ERBB4: variants seen among roughly 807,000 people sequenced by gnomAD.
ERBB4 encodes the protein receptor tyrosine-protein kinase erbB-4.
In ERBB4, 42 loss-of-function variants were observed where a neutral mutation model predicts 158.0. That is an observed-to-expected ratio of 0.27 (90% CI 0.21 to 0.34). ERBB4 has a LOEUF of 0.34. Among genes scored for constraint, ERBB4 ranks in the 10% least tolerant of loss-of-function variants. ERBB4 has a pLI of 1.00. For missense variants in ERBB4, 1,333 were observed against 1,624.1 expected (o/e 0.82, Z 3.08); for synonymous variants, 583 against 558.7 (o/e 1.04, Z -0.61).
At position 212,181,697 on chromosome 2, in the gene ERBB4, G is replaced by A. The variant is rs542130123; in HGVS notation, c.83-56794C>T. On this transcript the variant is annotated intron_variant, in intron 1 of 27. Transcript: ENST00000342788. ...TTAATAAAAATCAAAACTAATATGT[G>A]CTACAATTATTTAATGATTTAATAA... 5.3e-5 allele frequency among the ~76,000 whole-genome samples: 8 copies of A among 151,710 alleles called. No individual in the cohort carries two copies. In the East Asian group the frequency reaches 1.4e-3, roughly 26 times the overall value.
chr2:212,027,812 A>G (rs1166356843), intron 2 of ERBB4, among the ~76,000 whole-genome samples: 18 of 152,044 alleles, frequency 1.2e-4, no homozygotes, highest in Admixed American at 1.2e-3. Flanking sequence ...TTCACTTTGC[A>G]GCTTAGTCTT....
At chr2:211,538,206 A>G (rs2066707599) in intron 20 of ERBB4, among the ~76,000 whole-genome samples, 1 of 151,870 alleles carries the variant, frequency 6.6e-6, no homozygotes, top group Non-Finnish European at 1.5e-5. Flanking sequence ...TTCTCCTTCT[A>G]CAGGTATCCC....
chr2:212,332,775 G>T (rs1317475823), intron 1 of ERBB4, among the ~76,000 whole-genome samples: 1 of 151,998 alleles, frequency 6.6e-6, no homozygotes, highest in Non-Finnish European at 1.5e-5. Context: ...AAGTTTACAA[G>T]AATTGGGTTA....
intron 19 of ERBB4, among the ~76,000 whole-genome samples, chr2:211,594,685 G>A (rs1288675498): frequency 6.6e-6 from 1 of 152,162 alleles, no homozygotes; most frequent in African/African-American, 2.4e-5. Flanking sequence ...AACTAGAGTA[G>A]TAACCAAGAT....
chr2:212,002,830 G>A (rs1427637588), intron 2 of ERBB4, among the ~76,000 whole-genome samples: 1 of 151,840 alleles, frequency 6.6e-6, no homozygotes, highest in Non-Finnish European at 1.5e-5. Flanking sequence ...AGGCCGAGGC[G>A]GGCGGATCAC....
chr2:211,961,708 G>A (rs907769337), intron 2 of ERBB4, among the ~76,000 whole-genome samples: 1 of 152,104 alleles, frequency 6.6e-6, no homozygotes, highest in Admixed American at 6.6e-5. Flanking sequence ...CCATTTGTTG[G>A]AAGTACAAAA....
chr2:211,687,710 T>C (rs2072623411), intron 12 of ERBB4, among the ~76,000 whole-genome samples: 1 of 152,206 alleles, frequency 6.6e-6, no homozygotes, highest in Non-Finnish European at 1.5e-5. Flanking sequence ...GGATTCTGAG[T>C]TGCCAGTTTC....
At chr2:211,572,179 T>A (rs11889520) in intron 19 of ERBB4, among the ~76,000 whole-genome samples, 1 of 152,004 alleles carries the variant, frequency 6.6e-6, no homozygotes, top group African/African-American at 2.4e-5. Flanking sequence ...AATTAACATA[T>A]TCTGTTTATG....
chr2:211,986,236 CAG>C (rs1360066285), intron 2 of ERBB4, among the ~76,000 whole-genome samples: 1 of 152,148 alleles, frequency 6.6e-6, no homozygotes, highest in African/African-American at 2.4e-5. Flanking sequence ...GTTGGACTTC[CAG>C]TCTTCAGAAC....
intron 20 of ERBB4, among the ~76,000 whole-genome samples, chr2:211,551,914 T>G (rs1204596719): frequency 6.6e-6 from 1 of 152,232 alleles, no homozygotes; most frequent in Non-Finnish European, 1.5e-5. Flanking sequence ...ATGAAGGCTC[T>G]GCTCGTGTAA....
intron 3 of ERBB4, among the ~76,000 whole-genome samples, chr2:211,937,463 A>G (rs2080357642): frequency 6.6e-6 from 1 of 152,172 alleles, no homozygotes; most frequent in Non-Finnish European, 1.5e-5. Flanking sequence ...GAAACCATTA[A>G]AGAAATAGAC....
chr2:211,466,490 T>A (rs927348608), intron 20 of ERBB4, among the ~76,000 whole-genome samples: 7 of 152,208 alleles, frequency 4.6e-5, no homozygotes, highest in African/African-American at 1.7e-4. Flanking sequence ...CAGGACAGGA[T>A]GCCAAGCTAG....
At chr2:212,299,718 A>T (rs1239340513) in intron 1 of ERBB4, among the ~76,000 whole-genome samples, 2 of 151,660 alleles carry the variant, frequency 1.3e-5, no homozygotes, top group African/African-American at 4.8e-5. Context: ...CCCTGGAAAC[A>T]GATTTCAAGC....
intron 5 of ERBB4, among the ~76,000 whole-genome samples, chr2:211,729,535 T>A (rs1200142028): frequency 6.6e-6 from 1 of 151,776 alleles, no homozygotes; most frequent in Admixed American, 6.6e-5. Flanking sequence ...ATGAGACTTG[T>A]AACAAGAAAG....
At chr2:212,483,982 C>T (rs1410642844) in intron 1 of ERBB4, among the ~76,000 whole-genome samples, 5 of 152,128 alleles carry the variant, frequency 3.3e-5, no homozygotes, top group Non-Finnish European at 7.4e-5. Flanking sequence ...GTGATCCGCC[C>T]ACCTCGGCCT....
At chr2:211,693,352 CCTTTA>C (rs2072891723) in intron 12 of ERBB4, among the ~76,000 whole-genome samples, 1 of 151,648 alleles carries the variant, frequency 6.6e-6, no homozygotes, top group Non-Finnish European at 1.5e-5. Context: ...TTAAATATTC[CCTTTA>C]TTTTATTGAA....
intron 3 of ERBB4, among the ~76,000 whole-genome samples, chr2:211,817,866 C>T (rs2076911771): frequency 1.3e-5 from 2 of 152,162 alleles, no homozygotes; most frequent in South Asian, 4.2e-4. Flanking sequence ...AGAATTTCCA[C>T]AAGATGGAAA....
At chr2:212,527,311 A>T (rs1692500525) in intron 1 of ERBB4, among the ~76,000 whole-genome samples, 1 of 152,156 alleles carries the variant, frequency 6.6e-6, no homozygotes, top group African/African-American at 2.4e-5. Flanking sequence ...TTACAGTGTG[A>T]TTTTACACTA....
At chr2:212,429,763 G>C (rs905046150) in intron 1 of ERBB4, among the ~76,000 whole-genome samples, 1 of 152,108 alleles carries the variant, frequency 6.6e-6, no homozygotes, top group Non-Finnish European at 1.5e-5. Context: ...TGACCCCAGA[G>C]CCTGTTCACC....
Sources: allele counts gnomAD v4.1 joint callset (sites outside exome capture counted in the v4.1 genomes callset), GRCh38; gene constraint gnomAD v4.1.1; transcripts MANE v1.5; gene names NCBI Gene and HGNC (gene_info 2026-07-23, HGNC 2026-07-21).